Variants in ABCC1 observed in about 807,000 individuals in gnomAD.
ABCC1 encodes the protein multidrug resistance-associated protein 1.
Under a neutral mutation model 172.9 loss-of-function variants are expected in ABCC1, and 83 were observed. The ratio of observed to expected loss-of-function variants is 0.48; its 90% CI spans 0.40 to 0.58. The LOEUF is 0.58. Ranked by LOEUF, ABCC1 falls within the 20% of genes least tolerant of loss-of-function variation. The pLI is 0.00. For synonymous variants in ABCC1, 937 were observed against 825.2 expected (o/e 1.14, Z -2.32); for missense variants, 1,817 against 2,002.7 (o/e 0.91, Z 1.77).
chr16:16,037,955 GGCCCAT>G (rs2048819713), intron 7 of ABCC1, among the ~76,000 whole-genome samples: 1 of 152,306 alleles, frequency 6.6e-6, no homozygotes, highest in African/African-American at 2.4e-5. Context: ...GTAAGGAAAT[GGCCCAT>G]GTCCATGACC....
chr16:15,980,769 C>T (rs181745652), intron 1 of ABCC1, among the ~76,000 whole-genome samples: 1 of 152,170 alleles, frequency 6.6e-6, no homozygotes, highest in Non-Finnish European at 1.5e-5. Context: ...TTTCAAAACA[C>T]AATCATGCCT....
At chr16:16,018,809 G>GTT (rs1316651462) in intron 5 of ABCC1, among the ~76,000 whole-genome samples, 1 of 135,300 alleles carries the variant, frequency 7.4e-6, no homozygotes, top group African/African-American at 2.7e-5. Flanking sequence ...GTGTTTGTGT[G>GTT]TGTGTGTGTC....
chr16:16,063,844 A>G (rs573811117), intron 12 of ABCC1, among the ~76,000 whole-genome samples: 5 of 152,188 alleles, frequency 3.3e-5, no homozygotes, highest in Admixed American at 6.5e-5. Flanking sequence ...CTGCAAAGCT[A>G]TGGGATTGAG....
chr16:16,026,388 C>G (rs1019710204), intron 5 of ABCC1, among the ~76,000 whole-genome samples: 1 of 137,626 alleles, frequency 7.3e-6, no homozygotes, highest in Non-Finnish European at 1.5e-5. Flanking sequence ...GAGCTGAGAA[C>G]GCACCATTGC....
intron 6 of ABCC1, 103 bp from the exon 7 acceptor site, chr16:16,036,369 G>A: frequency 9.0e-7 from 1 of 1,113,324 alleles, no homozygotes; most frequent in Non-Finnish European, 1.3e-6. Context: ...CTGTGCTGCA[G>A]AGGGGAGCAG....
chr16:16,137,618 C>T (rs561762863), intron 29 of ABCC1, among the ~76,000 whole-genome samples: 11 of 124,474 alleles, frequency 8.8e-5, no homozygotes, highest in Admixed American at 3.2e-4. Flanking sequence ...AGTGCAGTGG[C>T]GCAATCTCAT....
intron 3 of ABCC1, among the ~76,000 whole-genome samples, chr16:16,013,461 G>A (rs1218624304): frequency 6.6e-6 from 1 of 151,994 alleles, no homozygotes; most frequent in Non-Finnish European, 1.5e-5. Context: ...AGTAGAGATA[G>A]GGTTTCACCA....
intron 16 of ABCC1, among the ~76,000 whole-genome samples, chr16:16,079,818 GTT>G (rs796877584): frequency 2.1e-5 from 3 of 140,660 alleles, no homozygotes; most frequent in Admixed American, 7.2e-5. Context: ...TTATTATTGT[GTT>G]TTTTTTTTTT....
At chr16:16,004,818 C>T (rs2047462682) in intron 1 of ABCC1, among the ~76,000 whole-genome samples, 1 of 151,252 alleles carries the variant, frequency 6.6e-6, no homozygotes, top group African/African-American at 2.4e-5. Context: ...CCCTGCCCGG[C>T]TAATTTTTAT....
At chr16:16,014,747 T>C in intron 4 of ABCC1, 119 bp downstream of exon 4, 2 of 1,192,256 alleles carry the variant, frequency 1.7e-6, no homozygotes, top group South Asian at 2.9e-5. Context: ...GGGTACCACA[T>C]GCACCTAGCT....
intron 27 of ABCC1, among the ~76,000 whole-genome samples, chr16:16,132,510 G>GTTTTTTTTTTTTTTTTTTT (rs71137915): frequency 1.3e-4 from 5 of 37,296 alleles, no homozygotes; most frequent in Non-Finnish European, 2.0e-4. Context: ...TTGGTTGGTT[G>GTTTTTTTTTTTTTTTTTTT]TTTTTTTTTT....
intron 18 of ABCC1, 85 bp downstream of exon 18, chr16:16,087,076 C>T (rs1567387987): frequency 7.2e-7 from 1 of 1,390,392 alleles, no homozygotes. Context: ...GAGTCCTTTA[C>T]TTTCTCTGGC....
intron 18 of ABCC1, among the ~76,000 whole-genome samples, 191 bp downstream of exon 18, chr16:16,087,182 G>C (rs1048522909): frequency 1.3e-5 from 2 of 152,128 alleles, no homozygotes; most frequent in Admixed American, 1.3e-4. Flanking sequence ...CTTTATAGGG[G>C]TAAGTCCTCC....
At chr16:16,011,606 C>T (rs2047787037) in intron 3 of ABCC1, among the ~76,000 whole-genome samples, 1 of 152,092 alleles carries the variant, frequency 6.6e-6, no homozygotes, top group African/African-American at 2.4e-5. Flanking sequence ...CTCAGCCTCC[C>T]AAGTAGCTGG....
chr16:16,103,812 T>G (rs541652357), intron 20 of ABCC1, among the ~76,000 whole-genome samples: 1 of 152,084 alleles, frequency 6.6e-6, no homozygotes, highest in African/African-American at 2.4e-5. Context: ...CATCCGGACA[T>G]GGTTATGGTC....
At chr16:16,056,071 T>TA (rs761944988) in intron 11 of ABCC1, 21 bp from the exon 12 acceptor site, 8 of 1,612,806 alleles carry the variant, frequency 5.0e-6, no homozygotes, top group Middle Eastern at 1.7e-4. Context: ...CCAGATGTGT[T>TA]GACTGCCCGT....
chr16:15,983,873 G>A (rs1029421434), intron 1 of ABCC1, among the ~76,000 whole-genome samples: 1 of 151,892 alleles, frequency 6.6e-6, no homozygotes, highest in Non-Finnish European at 1.5e-5. Context: ...ATATTTTAAA[G>A]ACTAAATTCC....
At chr16:15,960,231 C>A (rs2046097782) in intron 1 of ABCC1, among the ~76,000 whole-genome samples, 1 of 152,024 alleles carries the variant, frequency 6.6e-6, no homozygotes, top group African/African-American at 2.4e-5. Context: ...CAGGCATGCA[C>A]CAGCACACCC....
At chr16:15,981,666 C>T (rs2092602125) in intron 1 of ABCC1, among the ~76,000 whole-genome samples, 1 of 152,176 alleles carries the variant, frequency 6.6e-6, no homozygotes, top group African/African-American at 2.4e-5. Context: ...ACCTCTAGGC[C>T]TGTGATGGGA....
Sources: allele counts gnomAD v4.1 joint callset (sites outside exome capture counted in the v4.1 genomes callset), GRCh38; gene constraint gnomAD v4.1.1; transcripts MANE v1.5; gene names NCBI Gene and HGNC (gene_info 2026-07-23, HGNC 2026-07-21).